KCND2: variants seen among roughly 807,000 people sequenced by gnomAD.
KCND2 encodes the protein potassium voltage-gated channel subfamily D member 2.
A neutral mutation model predicts 54.4 loss-of-function variants in KCND2; 16 were observed. The observed-to-expected ratio is 0.29, with a 90% CI of 0.20 to 0.45. The LOEUF (loss-of-function observed/expected upper bound fraction) is 0.45, where lower values mean the gene tolerates loss of function less well. KCND2 is among the 20% of genes least tolerant of loss of function. KCND2 has a pLI of 1.00. For synonymous variants in KCND2, 317 were observed against 310.7 expected, an observed-to-expected ratio of 1.02 and a Z score of -0.21; for missense variants, 486 against 824.2, an observed-to-expected ratio of 0.59 and a Z score of 5.02.
At chr7:120,306,384 G>C (rs1436044813) in intron 1 of KCND2, among the ~76,000 whole-genome samples, 1 of 151,810 alleles carries the variant, frequency 6.6e-6, no homozygotes, top group Non-Finnish European at 1.5e-5. Flanking sequence ...TGAGCTCCTT[G>C]TGGTACTTTG....
intron 1 of KCND2, among the ~76,000 whole-genome samples, chr7:120,555,449 T>A (rs2116401941): frequency 6.6e-6 from 1 of 152,316 alleles, no homozygotes; most frequent in East Asian, 1.9e-4. Context: ...CTCCTGCAAT[T>A]GGCTCTTGCT....
chr7:120,436,681 G>T (rs1220928140), intron 1 of KCND2, among the ~76,000 whole-genome samples: 1 of 152,138 alleles, frequency 6.6e-6, no homozygotes, highest in Non-Finnish European at 1.5e-5. Flanking sequence ...ACCCCTGCTG[G>T]CACCCACTGA....
intron 1 of KCND2, among the ~76,000 whole-genome samples, chr7:120,513,934 C>G (rs1177028886): frequency 1.3e-5 from 2 of 152,074 alleles, no homozygotes; most frequent in African/African-American, 4.8e-5. Context: ...GCAAAACACA[C>G]AGGCTAACAT....
intron 1 of KCND2, among the ~76,000 whole-genome samples, chr7:120,279,998 T>G (rs539516140): frequency 6.6e-6 from 1 of 152,058 alleles, no homozygotes; most frequent in African/African-American, 2.4e-5. Flanking sequence ...CTGAAATGGG[T>G]GAAATTATCT....
intron 1 of KCND2, among the ~76,000 whole-genome samples, chr7:120,597,494 G>A (rs1792760248): frequency 6.6e-6 from 1 of 152,104 alleles, no homozygotes; most frequent in Non-Finnish European, 1.5e-5. Context: ...TAGAATGTCA[G>A]CTGATATAAA....
chr7:120,575,308 G>A (rs1314376343), intron 1 of KCND2, among the ~76,000 whole-genome samples: 4 of 152,152 alleles, frequency 2.6e-5, no homozygotes, highest in Non-Finnish European at 5.9e-5. Flanking sequence ...CAAACCACTG[G>A]TGTAAGTCCT....
intron 1 of KCND2, among the ~76,000 whole-genome samples, chr7:120,590,737 A>C (rs191015904): frequency 6.6e-6 from 1 of 152,260 alleles, no homozygotes; most frequent in Admixed American, 6.5e-5. Context: ...CCCTCAGAAA[A>C]TTATATATAT....
chr7:120,584,188 T>A (rs1792558511), intron 1 of KCND2, among the ~76,000 whole-genome samples: 1 of 152,232 alleles, frequency 6.6e-6, no homozygotes, highest in African/African-American at 2.4e-5. Context: ...TTTGGGGGCA[T>A]AAGTTACATT....
chr7:120,503,031 C>G (rs980061251), intron 1 of KCND2, among the ~76,000 whole-genome samples: 4 of 152,020 alleles, frequency 2.6e-5, no homozygotes, highest in African/African-American at 9.7e-5. Context: ...GAAGTACTTG[C>G]AAGGAATGCC....
intron 1 of KCND2, among the ~76,000 whole-genome samples, chr7:120,397,989 GTGTGTGTATATATATATATA>G (rs1319711434): frequency 9.4e-4 from 38 of 40,358 alleles, no homozygotes; most frequent in Non-Finnish European, 2.4e-3. Context: ...GTGTGTGTGT[GTGTGTGTATATATATATATA>G]TATATATATA....
chr7:120,554,946 G>A (rs1792145953), intron 1 of KCND2, among the ~76,000 whole-genome samples: 1 of 152,128 alleles, frequency 6.6e-6, no homozygotes, highest in Non-Finnish European at 1.5e-5. Context: ...AAAGGAAATG[G>A]ATCTAAGAAT....
intron 1 of KCND2, among the ~76,000 whole-genome samples, chr7:120,353,547 T>C (rs1375870340): frequency 2.0e-5 from 3 of 151,940 alleles, no homozygotes; most frequent in Non-Finnish European, 4.4e-5. Context: ...GTGTCTGAGA[T>C]AGGAAATGAA....
chr7:120,302,610 G>T lies in KCND2; in HGVS notation c.1115+26863G>T, dbSNP rs184220134. Among the ~76,000 whole-genome samples the T allele has an allele frequency of 2.8e-3, 424 of 152,236 alleles. 2 individuals are homozygous for T. The highest frequency in any genetic ancestry group is 9.7e-3 in the African/African-American group (403 of 41,546). On this transcript the variant is annotated intron_variant, in intron 1 of 5. Coordinates refer to ENST00000331113, the MANE Select transcript of KCND2 (RefSeq NM_012281.3). ...ACACATTAAACACACTATTAAAAGG[G>T]TGTCTGAACGATGTTTTATATATGG... is the stretch of plus-strand genomic sequence containing the variant.
Position 120,274,624 on chromosome 7 carries a change from C to T in KCND2, c.-9C>T, listed in dbSNP as rs771399160. The T allele has an allele frequency of 1.1e-5, 17 of 1,614,176 alleles. No homozygotes were observed. The South Asian group carries it at 1.9e-4, about 18-fold the overall frequency. Reference sequence around the variant, plus strand: ...CTCGTTACCCTTCTTCCTTCCGCTTCAAGTAATCATGGCGGCGGGGGTGGC... The same window carrying T: ...CTCGTTACCCTTCTTCCTTCCGCTTTAAGTAATCATGGCGGCGGGGGTGGC... On this transcript the variant is annotated 5_prime_UTR_variant, in exon 1 of 6. Coordinates refer to ENST00000331113, the MANE Select transcript of KCND2 (RefSeq NM_012281.3).
intron 1 of KCND2, among the ~76,000 whole-genome samples, chr7:120,709,091 C>A (rs1304201376): frequency 6.6e-6 from 1 of 152,088 alleles, no homozygotes; most frequent in Non-Finnish European, 1.5e-5. Flanking sequence ...TGCATAATTT[C>A]CAGGGCCCAC....
rs180824970 is a variant in KCND2, at chr7:120,742,201, T to G, written c.1375-309T>G. The G allele has an allele frequency of 1.3e-4, 44 of 329,218 alleles. No homozygotes were observed. The Middle Eastern group carries it at 4.2e-3, about 31-fold the overall frequency. The allele number at this position is 329,218 out of a possible 1,614,324, so 20.4% of individuals were successfully genotyped here. A position where few individuals can be genotyped will look rare whatever the true frequency, so the allele number is the denominator to read the frequency against. On this transcript the variant is annotated intron_variant, in intron 3 of 5. Transcript: ENST00000331113. ...CGTGGTTTCAAAATTTTCTAAGCAC[T>G]ATGCTAAATTTGATCATCAAAACAT...
intron 1 of KCND2, among the ~76,000 whole-genome samples, chr7:120,352,947 A>G (rs1800437092): frequency 6.6e-6 from 1 of 152,060 alleles, no homozygotes; most frequent in Admixed American, 6.6e-5. Flanking sequence ...AAGACATGTC[A>G]GATAACATTT....
At chr7:120,444,273 C>T (rs996256972) in intron 1 of KCND2, among the ~76,000 whole-genome samples, 5 of 152,060 alleles carry the variant, frequency 3.3e-5, no homozygotes, top group African/African-American at 1.2e-4. Flanking sequence ...CACCTCCCTC[C>T]CTCTACCATC....
At chr7:120,471,010 T>C (rs947743015) in intron 1 of KCND2, among the ~76,000 whole-genome samples, 2 of 152,050 alleles carry the variant, frequency 1.3e-5, no homozygotes, top group African/African-American at 4.8e-5. Flanking sequence ...AATCATTAGA[T>C]ATTATAAGTC....
Sources: gnomAD v4.1 joint callset for allele counts (sites outside exome capture counted in the v4.1 genomes callset) on GRCh38, gnomAD v4.1.1 for gene constraint, MANE v1.5 for transcripts, NCBI Gene and HGNC (gene_info 2026-07-23, HGNC 2026-07-21) for gene names.